PARN: variants seen among roughly 807,000 people sequenced by gnomAD.
PARN encodes the protein poly(A)-specific ribonuclease.
PARN carries 71 observed loss-of-function variants against 102.8 expected under a neutral mutation model. The observed-to-expected ratio is 0.69, with a 90% CI of 0.57 to 0.84. PARN has a LOEUF of 0.84. Among genes scored for constraint, PARN ranks in the 40% least tolerant of loss-of-function variants. PARN has a pLI of 0.00. For missense variants in PARN, 782 were observed against 760.9 expected (o/e 1.03, Z -0.33); for synonymous variants, 261 against 252.9 (o/e 1.03, Z -0.30).
intron 21 of PARN, among the ~76,000 whole-genome samples, chr16:14,492,101 T>A (rs761348821): frequency 6.6e-6 from 1 of 152,240 alleles, no homozygotes; most frequent in Admixed American, 6.5e-5. Context: ...TCCTTCATGC[T>A]TCCTTTCATA....
At chr16:14,513,550 T>C (rs960807766) in intron 21 of PARN, among the ~76,000 whole-genome samples, 16 of 152,136 alleles carry the variant, frequency 1.1e-4, no homozygotes, top group Admixed American at 2.0e-4. Context: ...AAGAGCAAAA[T>C]CTGTAACTGG....
chr16:14,593,366 T>C lies in PARN; in HGVS notation c.853A>G (p.Ile285Val), dbSNP rs376031010. The C allele has an allele frequency of 4.5e-5, 72 of 1,596,068 alleles. No individual in the cohort carries two copies. In the East Asian group the frequency reaches 8.5e-4, roughly 19 times the overall value. Residue 285 changes from isoleucine to valine, a missense_variant, in exon 13 of 24, where the codon ATT becomes GTT. Coordinates refer to ENST00000437198, the MANE Select transcript of PARN (RefSeq NM_002582.4). ...ACGTCCAAGAGCATATTGTGTCCAA[T>C]AACAAGTTTTCCCTAAAGAAAGTCA... Reference protein sequence around the residue: ...HAIANSGKLVIGHNMLLDVMH... With the variant: ...HAIANSGKLVVGHNMLLDVMH...
intron 12 of PARN, among the ~76,000 whole-genome samples, chr16:14,599,366 A>G (rs1970739957): frequency 6.6e-6 from 1 of 152,078 alleles, no homozygotes; most frequent in Non-Finnish European, 1.5e-5. Flanking sequence ...AAGGCCTCAC[A>G]AAGCAAGGAA....
intron 18 of PARN, among the ~76,000 whole-genome samples, chr16:14,560,390 T>G (rs1223875103): frequency 2.0e-5 from 3 of 152,246 alleles, no homozygotes; most frequent in African/African-American, 7.2e-5. Context: ...CGTGCGGGTA[T>G]CTTGCCACAT....
At chr16:14,605,432 C>T (rs185622671) in intron 10 of PARN, among the ~76,000 whole-genome samples, 91 of 152,208 alleles carry the variant, frequency 6.0e-4, no homozygotes, top group Non-Finnish European at 1.1e-3. Context: ...TTTCCTATGA[C>T]AAATACTAAA....
chr16:14,613,504 T>C (rs573037923), intron 6 of PARN, among the ~76,000 whole-genome samples: 1 of 152,006 alleles, frequency 6.6e-6, no homozygotes, highest in East Asian at 1.9e-4. Context: ...GCGCCTATAG[T>C]CCCAGGTACT....
intron 5 of PARN, 151 bp downstream of exon 5, chr16:14,626,955 G>A (rs1972711689): frequency 1.6e-6 from 1 of 620,286 alleles, no homozygotes; most frequent in South Asian, 2.0e-5. Context: ...GAGATAACAG[G>A]GTCATGAATT....
At chr16:14,501,472 A>AAC (rs1964611076) in intron 21 of PARN, 2 of 147,870 alleles carry the variant, frequency 1.4e-5, no homozygotes, top group African/African-American at 4.9e-5. Context: ...AGAAAGAAAA[A>AAC]GAGAATGAAT....
At chr16:14,473,636 C>T (rs569941849) in intron 22 of PARN, among the ~76,000 whole-genome samples, 1 of 152,188 alleles carries the variant, frequency 6.6e-6, no homozygotes, top group South Asian at 2.1e-4. Flanking sequence ...GGAGGTGTCC[C>T]AAGAGGCCCA....
At chr16:14,502,063 T>C (rs1405658667) in intron 21 of PARN, among the ~76,000 whole-genome samples, 2 of 152,224 alleles carry the variant, frequency 1.3e-5, no homozygotes, top group Admixed American at 6.5e-5. Flanking sequence ...GGAATGAGTG[T>C]GTACACTCTG....
intron 12 of PARN, among the ~76,000 whole-genome samples, chr16:14,595,777 C>T (rs772022451): frequency 2.0e-5 from 3 of 152,052 alleles, no homozygotes; most frequent in Non-Finnish European, 2.9e-5. Flanking sequence ...GTGATCTGCC[C>T]GCCTTGGCCT....
chr16:14,505,342 T>C (rs1205920425), intron 21 of PARN, among the ~76,000 whole-genome samples: 2 of 152,206 alleles, frequency 1.3e-5, no homozygotes, highest in Admixed American at 1.3e-4. Context: ...CTGGGCACAG[T>C]GGCGCACGCC....
Position 14,630,238 on chromosome 16 carries a change from C to G in PARN, c.-113G>C. 1 of 933,604 alleles carries G rather than the reference C, an allele frequency of 1.1e-6. No individual in the cohort carries two copies. Among genetic ancestry groups the G allele is most frequent in the Non-Finnish European group, 1.6e-6 (1 of 624,216 alleles). 57.8% of individuals were successfully genotyped at this position (933,604 alleles called of 1,614,324 possible). On this transcript the variant is annotated 5_prime_UTR_variant, in exon 1 of 24. Transcript: ENST00000437198. The stretch of plus-strand genomic sequence containing the variant: ...GTAGCTGAGGCAGCCGCAGCGGTGA[C>G]GCCGGCCGCGACTTCCGGAAACAGC...
rs138585952 is a variant in PARN, at chr16:14,524,903, T to C, written c.1480+27118A>G. On this transcript the variant is annotated intron_variant, in intron 21 of 23. Transcript: ENST00000437198. ...CTCTTATTTCCTTTGTATATCAAGA[T>C]GAATCTCTCTTTTAAATATTATAGT... 1.9e-3 allele frequency among the ~76,000 whole-genome samples: 287 copies of C among 152,334 alleles called. 2 individuals are homozygous for C. The highest frequency in any genetic ancestry group is 6.6e-3 in the African/African-American group (276 of 41,578).
intron 21 of PARN, among the ~76,000 whole-genome samples, chr16:14,539,695 A>G (rs952689829): frequency 6.6e-6 from 1 of 152,214 alleles, no homozygotes; most frequent in South Asian, 2.1e-4. Context: ...ATACATTCAC[A>G]TGTCTTACTA....
At chr16:14,623,087 G>C (rs1224747175) in intron 5 of PARN, among the ~76,000 whole-genome samples, 1 of 149,466 alleles carries the variant, frequency 6.7e-6, no homozygotes, top group Admixed American at 6.7e-5. Context: ...CTTGGTGACA[G>C]AGACTCTGTC....
Position 14,630,212 on chromosome 16 carries a change from A to G in PARN, c.-87T>C, listed in dbSNP as rs905332803. 40 of 1,222,852 alleles carry G rather than the reference A, an allele frequency of 3.3e-5. No homozygotes were observed. The highest frequency in any genetic ancestry group is 4.5e-5 in the Non-Finnish European group (39 of 860,454). 75.8% of individuals were successfully genotyped at this position (1,222,852 alleles called of 1,614,324 possible). A position where few individuals can be genotyped will look rare whatever the true frequency, so the allele number is the denominator to read the frequency against. On this transcript the variant is annotated 5_prime_UTR_variant, in exon 1 of 24. Coordinates refer to ENST00000437198, the MANE Select transcript of PARN (RefSeq NM_002582.4). ...CGCCGAATTCCGCGGCGACTGCGGC[A>G]GTAGCTGAGGCAGCCGCAGCGGTGA...
At chr16:14,505,537 A>C (rs1336191905) in intron 21 of PARN, among the ~76,000 whole-genome samples, 1 of 152,190 alleles carries the variant, frequency 6.6e-6, no homozygotes, top group African/African-American at 2.4e-5. Context: ...AATTGGGACA[A>C]GTATTTGCAA....
chr16:14,436,524 C>A lies in PARN; in HGVS notation c.*193G>T. On this transcript the variant is annotated 3_prime_UTR_variant, in exon 24 of 24. Transcript: ENST00000437198. ...CGTGATGAGTGTCAATGTCAACAGG[C>A]AGTTAGATTAAAAAGGGGAAAAAAC... 5.0e-6 allele frequency: 3 copies of A among 603,996 alleles called. No individual in the cohort carries two copies. Among genetic ancestry groups the A allele is most frequent in the Non-Finnish European group, 8.8e-6 (3 of 338,998 alleles). 37.4% of individuals were successfully genotyped at this position (603,996 alleles called of 1,614,324 possible). A position where few individuals can be genotyped will look rare whatever the true frequency, so the allele number is the denominator to read the frequency against.
Sources: gnomAD v4.1 joint callset for allele counts (sites outside exome capture counted in the v4.1 genomes callset) on GRCh38, gnomAD v4.1.1 for gene constraint, MANE v1.5 for transcripts, NCBI Gene and HGNC (gene_info 2026-07-23, HGNC 2026-07-21) for gene names.